Variants in SAMD12 observed in about 807,000 individuals in gnomAD.
The protein encoded by SAMD12 is sterile alpha motif domain-containing protein 12.
In SAMD12, 9 loss-of-function variants were observed where a neutral mutation model predicts 15.0. That is an observed-to-expected ratio of 0.60 (90% CI 0.36 to 1.05). SAMD12 has a LOEUF of 1.05. Ranked by LOEUF, SAMD12 falls within the 50% of genes least tolerant of loss-of-function variation. The pLI is 0.01. For synonymous variants in SAMD12, 86 were observed against 90.1 expected, an observed-to-expected ratio of 0.96 and a Z score of 0.25; for missense variants, 230 against 234.2, an observed-to-expected ratio of 0.98 and a Z score of 0.12.
the SAMD12 span, among the ~76,000 whole-genome samples, chr8:118,169,443 C>T: frequency 6.6e-6 from 1 of 152,126 alleles, no homozygotes; most frequent in African/African-American, 2.4e-5. Context: ...AAAAGCTTTC[C>T]CTACAGATGC....
chr8:118,575,624 A>G (rs1472649511), intron 2 of SAMD12, among the ~76,000 whole-genome samples: 6 of 152,176 alleles, frequency 3.9e-5, no homozygotes, highest in African/African-American at 1.2e-4. Context: ...ACATTTTTAT[A>G]AAGGAAAGGT....
chr8:118,617,875 T>C (rs749116349), intron 1 of SAMD12, among the ~76,000 whole-genome samples: 7 of 152,136 alleles, frequency 4.6e-5, no homozygotes, highest in South Asian at 2.1e-4. Flanking sequence ...CTGAATAATA[T>C]TGCAACCCAT....
chr8:118,363,872 T>A (rs1383400270), intron 4 of SAMD12, among the ~76,000 whole-genome samples: 4 of 152,326 alleles, frequency 2.6e-5, no homozygotes, highest in African/African-American at 4.8e-5. Context: ...AAAATTACTG[T>A]GTGAACTAAA....
intron 4 of SAMD12, among the ~76,000 whole-genome samples, chr8:118,274,918 T>A (rs966788962): frequency 2.6e-5 from 4 of 152,208 alleles, no homozygotes; most frequent in Non-Finnish European, 4.4e-5. Flanking sequence ...GCTATGAATA[T>A]TCTTGTGCAT....
rs747891924 is a variant in SAMD12, at chr8:118,379,435, T to C, written c.588A>G (p.Glu196=). The change falls in exon 4 of 4, where the codon GAA becomes GAG. Residue 196 remains glutamate, a synonymous_variant. Transcript: ENST00000314727. ...AGTAATCTTAAATCTGTATACTATT[T>C]TCTATGATGGAAATTCTGTGAAGAA... ...LLFLHRISII[E]NSIQI The C allele has an allele frequency of 6.2e-7, 1 of 1,613,556 alleles. No homozygotes were observed. Among genetic ancestry groups the C allele is most frequent in the Admixed American group, 1.7e-5 (1 of 59,948 alleles).
At position 118,511,452 on chromosome 8, in the gene SAMD12, G is replaced by T. The variant is rs549266498; in HGVS notation, c.192+69263C>A. On this transcript the variant is annotated intron_variant, in intron 2 of 3. Coordinates refer to ENST00000314727, the MANE Select transcript of SAMD12 (RefSeq NM_207506.3). ...TTGGAAACCTCTTGTTTTTGTTTTT[G>T]TTTTTTTTTTAAATGTACGTGAATA... Among the ~76,000 whole-genome samples the T allele has an allele frequency of 7.6e-5, 10 of 131,692 alleles. No homozygotes were observed. In the East Asian group the frequency reaches 8.0e-4, roughly 11 times the overall value. The allele number at this position is 131,692 out of a possible 152,430, so 86.4% of individuals were successfully genotyped here.
At chr8:118,571,087 T>C (rs1374288222) in intron 2 of SAMD12, among the ~76,000 whole-genome samples, 2 of 152,172 alleles carry the variant, frequency 1.3e-5, no homozygotes, top group East Asian at 3.8e-4. Flanking sequence ...CATACAATAA[T>C]ACAATAAACT....
the SAMD12 span, among the ~76,000 whole-genome samples, chr8:118,170,592 T>C: frequency 6.6e-6 from 1 of 152,166 alleles, no homozygotes; most frequent in African/African-American, 2.4e-5. Context: ...AAGGAGTCTT[T>C]TCAACAAATG....
chr8:118,206,431 G>T (rs1230345871), intron 4 of SAMD12, among the ~76,000 whole-genome samples: 1 of 152,206 alleles, frequency 6.6e-6, no homozygotes, highest in African/African-American at 2.4e-5. Flanking sequence ...GAGTGAGGCA[G>T]ACAGGAGAAG....
chr8:118,133,074 A>G, the SAMD12 span, among the ~76,000 whole-genome samples: 1 of 143,080 alleles, frequency 7.0e-6, no homozygotes, highest in Admixed American at 7.0e-5. Flanking sequence ...TAATTTCCAC[A>G]TTGAAAAAAT....
intron 4 of SAMD12, among the ~76,000 whole-genome samples, chr8:118,329,881 G>T (rs1317786319): frequency 6.6e-6 from 1 of 151,822 alleles, no homozygotes; most frequent in African/African-American, 2.4e-5. Context: ...GACTTTTTTT[G>T]TGAACTTCCT....
chr8:118,137,210 CTGAT>C, the SAMD12 span, among the ~76,000 whole-genome samples: 1 of 152,166 alleles, frequency 6.6e-6, no homozygotes, highest in Non-Finnish European at 1.5e-5. Context: ...GGCAATCAGT[CTGAT>C]TGATTGTGGA....
At chr8:118,161,808 A>C in the SAMD12 span, among the ~76,000 whole-genome samples, 1 of 152,132 alleles carries the variant, frequency 6.6e-6, no homozygotes, top group South Asian at 2.1e-4. Context: ...GCATATAAAC[A>C]CAGGAATGGA....
At chr8:118,435,181 A>G (rs10283133) in intron 3 of SAMD12, among the ~76,000 whole-genome samples, 87,239 of 149,230 alleles carry the variant, frequency 0.58, 26,725 homozygotes, top group Admixed American at 0.67. Context: ...CTACGGTTTC[A>G]CTTTGTGCAG....
At chr8:118,144,210 T>C in the SAMD12 span, among the ~76,000 whole-genome samples, 1 of 152,224 alleles carries the variant, frequency 6.6e-6, no homozygotes, top group Non-Finnish European at 1.5e-5. Context: ...AAGCCACAAT[T>C]GTCTCTTCAT....
At chr8:118,352,103 A>G (rs996955177) in intron 4 of SAMD12, among the ~76,000 whole-genome samples, 48 of 152,230 alleles carry the variant, frequency 3.2e-4, no homozygotes, top group African/African-American at 1.1e-3. Flanking sequence ...TGCGTTTAAC[A>G]CTGTGCACAT....
chr8:118,166,863 T>C, the SAMD12 span, among the ~76,000 whole-genome samples: 2 of 152,182 alleles, frequency 1.3e-5, no homozygotes, highest in African/African-American at 4.8e-5. Context: ...CTTATGTATA[T>C]CTGGGTGTCT....
chr8:118,159,841 T>C, the SAMD12 span, among the ~76,000 whole-genome samples: 1 of 151,716 alleles, frequency 6.6e-6, no homozygotes, highest in Non-Finnish European at 1.5e-5. Context: ...TGCCTCACTC[T>C]CCCAAGTAGC....
chr8:118,228,801 GA>G (rs1370068396), intron 4 of SAMD12, among the ~76,000 whole-genome samples: 1 of 152,016 alleles, frequency 6.6e-6, no homozygotes, highest in African/African-American at 2.4e-5. Context: ...CTACCCAGAG[GA>G]AAAAAAGTCA....
Sources: allele counts gnomAD v4.1 joint callset (sites outside exome capture counted in the v4.1 genomes callset), GRCh38; gene constraint gnomAD v4.1.1; transcripts MANE v1.5; gene names NCBI Gene and HGNC (gene_info 2026-07-23, HGNC 2026-07-21).